Variants in PCDH15 observed in about 807,000 individuals in gnomAD.
PCDH15 encodes protocadherin related 15, also known as protocadherin-15.
Under a neutral mutation model 178.5 loss-of-function variants are expected in PCDH15, and 129 were observed. That is an observed-to-expected ratio of 0.72 (90% CI 0.63 to 0.84). The LOEUF (loss-of-function observed/expected upper bound fraction) is 0.84, where lower values mean the gene tolerates loss of function less well. PCDH15 is among the 40% of genes least tolerant of loss of function. The probability of loss-of-function intolerance (pLI) is 0.00; values close to 1 mark genes in which losing one functional copy is unlikely to be tolerated. For missense variants in PCDH15, 2,230 were observed against 2,099.9 expected (o/e 1.06, Z -1.21); for synonymous variants, 800 against 732.0 (o/e 1.09, Z -1.50).
intron 2 of PCDH15, among the ~76,000 whole-genome samples, chr10:55,466,688 C>T (rs1321067073): frequency 6.6e-6 from 1 of 152,132 alleles, no homozygotes; most frequent in East Asian, 1.9e-4. Context: ...TTGAAAATCA[C>T]TCACATAGAG....
chr10:54,019,230 G>A (rs2092835802), intron 20 of PCDH15, among the ~76,000 whole-genome samples: 1 of 152,042 alleles, frequency 6.6e-6, no homozygotes, highest in Non-Finnish European at 1.5e-5. Flanking sequence ...AATGTACCAT[G>A]ATAGTGAATG....
At chr10:55,528,434 T>C (rs929678951) in intron 2 of PCDH15, among the ~76,000 whole-genome samples, 5 of 151,960 alleles carry the variant, frequency 3.3e-5, no homozygotes, top group African/African-American at 1.2e-4. Flanking sequence ...TGTCCAAGTG[T>C]TCTCATTGTT....
chr10:54,953,293 T>C (rs1838393640), intron 2 of PCDH15, among the ~76,000 whole-genome samples: 2 of 151,466 alleles, frequency 1.3e-5, no homozygotes, highest in South Asian at 4.1e-4. Flanking sequence ...ATATTTTTCT[T>C]CTATAGCTGT....
intron 2 of PCDH15, among the ~76,000 whole-genome samples, chr10:54,642,483 C>G (rs2094014367): frequency 6.6e-6 from 1 of 152,102 alleles, no homozygotes; most frequent in Non-Finnish European, 1.5e-5. Flanking sequence ...AAACTCCTTG[C>G]CCCATTATCT....
At chr10:53,912,921 C>T (rs193251359) in intron 25 of PCDH15, among the ~76,000 whole-genome samples, 1 of 152,256 alleles carries the variant, frequency 6.6e-6, no homozygotes, top group African/African-American at 2.4e-5. Context: ...TGACTTTCTT[C>T]ACAGAACTGG....
At chr10:54,415,415 A>G (rs902304655) in intron 3 of PCDH15, among the ~76,000 whole-genome samples, 1 of 152,044 alleles carries the variant, frequency 6.6e-6, no homozygotes, top group Non-Finnish European at 1.5e-5. Context: ...AGGAGGTAAT[A>G]AAAAGAGAGA....
At chr10:55,039,472 G>A (rs552281818) in intron 2 of PCDH15, among the ~76,000 whole-genome samples, 1 of 152,194 alleles carries the variant, frequency 6.6e-6, no homozygotes, top group African/African-American at 2.4e-5. Context: ...AGAGTGGTGA[G>A]AATTCTAAGA....
chr10:53,966,809 T>TA lies in PCDH15; in HGVS notation c.2869-4918dup, dbSNP rs200818201. Among the ~76,000 whole-genome samples the TA allele has an allele frequency of 6.1e-3, 930 of 151,766 alleles. 15 individuals are homozygous for TA. The highest frequency in any genetic ancestry group is 0.018 in the African/African-American group (754 of 41,460). ...AAACTCACCCTTATTAGTTATGTTT[T>TA]AAAAACTAAAATAATATAGTAAATG... On this transcript the variant is annotated intron_variant, in intron 21 of 37. Transcript: ENST00000644397.
At chr10:55,315,785 A>G (rs1180194875) in intron 1 of PCDH15, among the ~76,000 whole-genome samples, 1 of 152,146 alleles carries the variant, frequency 6.6e-6, no homozygotes, top group East Asian at 1.9e-4. Context: ...TGGGAGGCTG[A>G]GGCAGGCAGA....
chr10:54,692,387 T>A (rs1364568040), intron 1 of PCDH15, among the ~76,000 whole-genome samples: 1 of 152,210 alleles, frequency 6.6e-6, no homozygotes, highest in Non-Finnish European at 1.5e-5. Context: ...TATTTTGATT[T>A]TACTGCAATT....
chr10:54,835,270 T>C (rs1404870426), intron 3 of PCDH15, among the ~76,000 whole-genome samples: 1 of 152,170 alleles, frequency 6.6e-6, no homozygotes, highest in African/African-American at 2.4e-5. Flanking sequence ...ATATTAATAT[T>C]TTTTAAGCAT....
At chr10:55,001,482 T>A (rs1003885332) in intron 2 of PCDH15, among the ~76,000 whole-genome samples, 1 of 152,186 alleles carries the variant, frequency 6.6e-6, no homozygotes, top group Non-Finnish European at 1.5e-5. Context: ...GACATCCTCA[T>A]TGGGGCTCTG....
At chr10:55,232,868 G>A (rs1278302591) in intron 1 of PCDH15, among the ~76,000 whole-genome samples, 1 of 152,106 alleles carries the variant, frequency 6.6e-6, no homozygotes, top group Non-Finnish European at 1.5e-5. Flanking sequence ...TAAGCCTTCA[G>A]ATAAAATAGG....
At chr10:54,672,799 C>G (rs748111712) in intron 1 of PCDH15, among the ~76,000 whole-genome samples, 3 of 152,084 alleles carry the variant, frequency 2.0e-5, no homozygotes, top group Admixed American at 6.5e-5. Flanking sequence ...TACAACTTTT[C>G]TGTTTCTTAT....
At chr10:54,355,146 A>AAAAAAAAT (rs1944780673) in intron 5 of PCDH15, among the ~76,000 whole-genome samples, 1 of 134,050 alleles carries the variant, frequency 7.5e-6, no homozygotes, top group Non-Finnish European at 1.6e-5. Context: ...AAAAAAAAAA[A>AAAAAAAAT]TGGCTAAAAC....
chr10:54,043,772 G>A (rs1338358916), intron 18 of PCDH15, among the ~76,000 whole-genome samples: 1 of 152,010 alleles, frequency 6.6e-6, no homozygotes, highest in African/African-American at 2.4e-5. Context: ...AGCTGGTCTG[G>A]GCACATGTGG....
At chr10:55,203,887 T>C (rs1288475005) in intron 1 of PCDH15, among the ~76,000 whole-genome samples, 1 of 151,940 alleles carries the variant, frequency 6.6e-6, no homozygotes, top group East Asian at 1.9e-4. Flanking sequence ...TGTTATTTAC[T>C]GTGATTCTAA....
chr10:54,307,061 T>C (rs1228215146), intron 8 of PCDH15, among the ~76,000 whole-genome samples: 4 of 9,066 alleles, frequency 4.4e-4, no homozygotes, highest in Non-Finnish European at 8.1e-4. Context: ...TATATATATA[T>C]ATATATATAT....
intron 1 of PCDH15, among the ~76,000 whole-genome samples, chr10:54,692,010 A>C (rs539187719): frequency 6.6e-6 from 1 of 152,318 alleles, no homozygotes; most frequent in South Asian, 2.1e-4. Context: ...GAAAATCTTT[A>C]ATTATATTCC....
Sources: allele counts gnomAD v4.1 joint callset (sites outside exome capture counted in the v4.1 genomes callset), GRCh38; gene constraint gnomAD v4.1.1; transcripts MANE v1.5; gene names NCBI Gene and HGNC (gene_info 2026-07-23, HGNC 2026-07-21).